HEATR5B: variants seen among roughly 807,000 people sequenced by gnomAD.
HEATR5B encodes the protein HEAT repeat containing 5B, also known as HEAT repeat-containing protein 5B.
Under a neutral mutation model 224.1 loss-of-function variants are expected in HEATR5B, and 156 were observed. That is an observed-to-expected ratio of 0.70 (90% CI 0.61 to 0.80). The LOEUF (loss-of-function observed/expected upper bound fraction) is 0.80. Among genes scored for constraint, HEATR5B ranks in the 30% least tolerant of loss-of-function variants. The pLI, the probability that HEATR5B is intolerant of heterozygous loss-of-function variation, is 0.00. For missense variants in HEATR5B, 2,323 were observed against 2,535.5 expected, an observed-to-expected ratio of 0.92 and a Z score of 1.80; for synonymous variants, 1,027 against 893.0, an observed-to-expected ratio of 1.15 and a Z score of -2.68.
At chr2:37,045,354 T>C (rs1194220109) in intron 18 of HEATR5B, among the ~76,000 whole-genome samples, 2 of 79,610 alleles carry the variant, frequency 2.5e-5, no homozygotes, top group African/African-American at 8.9e-5. Flanking sequence ...TATTGCTGAG[T>C]TTTTTTCTGG....
intron 34 of HEATR5B, among the ~76,000 whole-genome samples, chr2:36,989,077 A>C (rs1445699223): frequency 6.6e-6 from 1 of 152,068 alleles, no homozygotes; most frequent in Non-Finnish European, 1.5e-5. Flanking sequence ...ATGCTTATAC[A>C]ATTCCTGTAT....
chr2:37,082,450 T>C (rs1672641919), intron 2 of HEATR5B, among the ~76,000 whole-genome samples: 1 of 152,184 alleles, frequency 6.6e-6, no homozygotes, highest in African/African-American at 2.4e-5. Flanking sequence ...TGTTGGGAAC[T>C]GGCTCCAAAA....
intron 12 of HEATR5B, among the ~76,000 whole-genome samples, chr2:37,059,464 A>ATTTTTTTT (rs35615621): frequency 3.0e-5 from 2 of 65,836 alleles, no homozygotes; most frequent in South Asian, 5.6e-4. Context: ...ATATATATAT[A>ATTTTTTTT]TTTTTTTTTT....
At chr2:37,008,367 C>A (rs1667563677) in intron 28 of HEATR5B, 1 of 544,950 alleles carries the variant, frequency 1.8e-6, no homozygotes, top group South Asian at 2.1e-5. Flanking sequence ...AATACCCTAG[C>A]TCATACAGCT....
chr2:37,057,551 G>A, intron 14 of HEATR5B, 71 bp from the exon 15 acceptor site: 1 of 993,934 alleles, frequency 1.0e-6, no homozygotes, highest in Non-Finnish European at 1.5e-6. Flanking sequence ...TGCCCACAAA[G>A]AGCTGCAACA....
At chr2:37,080,895 A>T (rs1672520450) in intron 2 of HEATR5B, among the ~76,000 whole-genome samples, 1 of 152,198 alleles carries the variant, frequency 6.6e-6, no homozygotes, top group African/African-American at 2.4e-5. Flanking sequence ...AACAGGAAGA[A>T]AACTTCACAC....
rs752630857 is a variant in HEATR5B at position 36,981,650 on chromosome 2, T to C, written c.6056A>G (p.His2019Arg). The C allele has an allele frequency of 5.0e-6, 8 of 1,614,138 alleles. No homozygotes were observed. Among genetic ancestry groups the C allele is most frequent in the East Asian group, 2.2e-5 (1 of 44,888 alleles). Residue 2019 changes from histidine (H) to arginine (R), a missense_variant, in exon 36 of 36, where the codon CAT becomes CGT. This residue lies in a region of HEATR5B where 844 missense variants were observed against 812.9 expected (regional missense o/e 1.04). Coordinates refer to ENST00000233099, the MANE Select transcript of HEATR5B (RefSeq NM_019024.3). ...AGCCCCCATTACTGTCTTGAAAGCA[T>C]GTGGATACAGAGGTCCAATATGCAT... is the stretch of plus-strand genomic sequence containing the variant. ...NLMHIGPLYP[H>R]AFKTVMGAAP...
chr2:37,082,368 C>T (rs1046854958), intron 2 of HEATR5B, among the ~76,000 whole-genome samples: 3 of 152,098 alleles, frequency 2.0e-5, no homozygotes, highest in African/African-American at 4.8e-5. Context: ...GCGTGAACCA[C>T]CATGCCGGGC....
At chr2:37,065,321 A>C (rs552416257) in intron 9 of HEATR5B, among the ~76,000 whole-genome samples, 10 of 151,728 alleles carry the variant, frequency 6.6e-5, no homozygotes, top group Non-Finnish European at 1.3e-4. Flanking sequence ...CTTTACAAGG[A>C]AACTTTTTTT....
At chr2:37,004,565 A>G (rs10490656) in intron 30 of HEATR5B, among the ~76,000 whole-genome samples, 26,348 of 151,082 alleles carry the variant, frequency 0.17, 3,039 homozygotes, top group Non-Finnish European at 0.26. Context: ...TTCACTCCTC[A>G]ATCTTCTACT....
At chr2:37,065,948 T>A in intron 8 of HEATR5B, 38 bp from the exon 9 acceptor site, 1 of 1,566,324 alleles carries the variant, frequency 6.4e-7, no homozygotes, top group Non-Finnish European at 8.7e-7. Context: ...ATAGGAGAAA[T>A]GAATTGTGGT....
At chr2:37,026,517 T>C (rs1293884593) in intron 24 of HEATR5B, among the ~76,000 whole-genome samples, 1 of 152,192 alleles carries the variant, frequency 6.6e-6, no homozygotes, top group Admixed American at 6.5e-5. Flanking sequence ...ATGAATACCA[T>C]GTGTTTTTTA....
chr2:37,072,308 A>G, intron 5 of HEATR5B, 27 bp from the exon 6 acceptor site: 1 of 1,455,374 alleles, frequency 6.9e-7, no homozygotes, highest in Non-Finnish European at 9.5e-7. Flanking sequence ...AAAAGTAAAT[A>G]ACATCCTATA....
intron 23 of HEATR5B, 104 bp from the exon 24 acceptor site, chr2:37,028,278 T>C (rs1668905512): frequency 2.9e-6 from 2 of 681,528 alleles, no homozygotes; most frequent in Non-Finnish European, 4.4e-6. Flanking sequence ...AAAGACTAAA[T>C]TCTTACTTGC....
At chr2:37,063,748 G>C (rs1207132268) in intron 10 of HEATR5B, among the ~76,000 whole-genome samples, 1 of 151,996 alleles carries the variant, frequency 6.6e-6, no homozygotes, top group Non-Finnish European at 1.5e-5. Flanking sequence ...AGATTACTGA[G>C]AAGAAAACCA....
intron 30 of HEATR5B, 62 bp from the exon 31 acceptor site, chr2:37,003,748 G>A: frequency 8.6e-7 from 1 of 1,159,602 alleles, no homozygotes. Flanking sequence ...ACTTTATATT[G>A]TTAAAATCTG....
chr2:37,047,414 T>C (rs1670274345), intron 18 of HEATR5B, among the ~76,000 whole-genome samples: 1 of 152,228 alleles, frequency 6.6e-6, no homozygotes, highest in African/African-American at 2.4e-5. Flanking sequence ...AAGTTACCTT[T>C]GTGTTATTAT....
At chr2:36,987,513 T>C (rs1666029057) in intron 35 of HEATR5B, among the ~76,000 whole-genome samples, 1 of 152,152 alleles carries the variant, frequency 6.6e-6, no homozygotes, top group Admixed American at 6.5e-5. Flanking sequence ...GTACAGTCTG[T>C]CTACAATTAA....
intron 18 of HEATR5B, among the ~76,000 whole-genome samples, chr2:37,042,071 A>T (rs1276407634): frequency 6.6e-6 from 1 of 152,106 alleles, no homozygotes; most frequent in Non-Finnish European, 1.5e-5. Context: ...AATGAATTCA[A>T]ATACATAAAA....
Sources: gnomAD v4.1 joint callset for allele counts (sites outside exome capture counted in the v4.1 genomes callset) on GRCh38, gnomAD v4.1.1 for gene constraint, gnomAD v4.1.1 regional missense constraint, MANE v1.5 for transcripts, NCBI Gene and HGNC (gene_info 2026-07-23, HGNC 2026-07-21) for gene names.